ADK: variants seen among roughly 807,000 people sequenced by gnomAD.
ADK encodes N6,N6-dimethyladenosine kinase.
Under a neutral mutation model 44.7 loss-of-function variants are expected in ADK, and 24 were observed. The observed-to-expected ratio is 0.54, with a 90% CI of 0.39 to 0.76. ADK has a LOEUF of 0.76. Among genes scored for constraint, ADK ranks in the 30% least tolerant of loss-of-function variants. ADK has a pLI of 0.00. For missense variants in ADK, 321 were observed against 425.1 expected, an observed-to-expected ratio of 0.76 and a Z score of 2.15; for synonymous variants, 128 against 142.6, an observed-to-expected ratio of 0.90 and a Z score of 0.73.
chr10:74,693,760 A>G (rs981203691), intron 10 of ADK, among the ~76,000 whole-genome samples: 2 of 152,314 alleles, frequency 1.3e-5, no homozygotes, highest in Admixed American at 1.3e-4. Flanking sequence ...CCCTAAGCCT[A>G]AGAGTAAAAT....
chr10:74,401,433 T>C (rs1472386490), intron 6 of ADK, among the ~76,000 whole-genome samples: 1 of 152,172 alleles, frequency 6.6e-6, no homozygotes, highest in Admixed American at 6.5e-5. Flanking sequence ...CTGTATTGGG[T>C]GCATATATAT....
intron 9 of ADK, among the ~76,000 whole-genome samples, chr10:74,651,813 G>T (rs1302333748): frequency 6.6e-6 from 1 of 152,074 alleles, no homozygotes; most frequent in East Asian, 1.9e-4. Context: ...GTTAAAAGAG[G>T]TGGATGACTG....
At chr10:74,550,342 A>T (rs1246794969) in intron 7 of ADK, among the ~76,000 whole-genome samples, 1 of 152,070 alleles carries the variant, frequency 6.6e-6, no homozygotes, top group Non-Finnish European at 1.5e-5. Flanking sequence ...AAGTACTGGG[A>T]TTACAGGTAC....
intron 6 of ADK, among the ~76,000 whole-genome samples, chr10:74,442,654 T>G (rs1447324729): frequency 6.6e-6 from 1 of 151,828 alleles, no homozygotes; most frequent in Non-Finnish European, 1.5e-5. Flanking sequence ...TCTAAAGAAA[T>G]AAATAAATAA....
intron 7 of ADK, among the ~76,000 whole-genome samples, chr10:74,578,079 A>G (rs913239623): frequency 4.6e-5 from 7 of 151,150 alleles, no homozygotes; most frequent in African/African-American, 1.2e-4. Flanking sequence ...ACAACTTGGG[A>G]AGGGCCATGG....
intron 9 of ADK, among the ~76,000 whole-genome samples, chr10:74,603,538 T>G (rs1036138070): frequency 2.6e-5 from 4 of 152,178 alleles, no homozygotes; most frequent in African/African-American, 7.2e-5. Flanking sequence ...GTTAGTTTGC[T>G]GAGAATGATG....
intron 8 of ADK, among the ~76,000 whole-genome samples, chr10:74,595,408 C>CAG (rs1257675656): frequency 0.019 from 3 of 156 alleles, no homozygotes; most frequent in South Asian, 0.19. Flanking sequence ...GGGGGTTTGG[C>CAG]TTTGTCACGC....
At chr10:74,530,931 AAG>A (rs1401598218) in intron 7 of ADK, among the ~76,000 whole-genome samples, 3 of 152,158 alleles carry the variant, frequency 2.0e-5, no homozygotes, top group Non-Finnish European at 4.4e-5. Flanking sequence ...AAAAAGAAAA[AAG>A]AAGGGTATCT....
chr10:74,319,144 A>C (rs1045778728), intron 4 of ADK, among the ~76,000 whole-genome samples: 1 of 152,238 alleles, frequency 6.6e-6, no homozygotes, highest in Non-Finnish European at 1.5e-5. Context: ...ATATTGGTAA[A>C]ATGTTTAATC....
At chr10:74,516,209 C>A (rs1226269759) in intron 6 of ADK, among the ~76,000 whole-genome samples, 1 of 152,128 alleles carries the variant, frequency 6.6e-6, no homozygotes, top group Admixed American at 6.5e-5. Flanking sequence ...GGCAAAGAGG[C>A]TGGTAGGGAT....
intron 6 of ADK, among the ~76,000 whole-genome samples, chr10:74,429,458 G>A (rs1183432046): frequency 6.6e-6 from 1 of 152,148 alleles, no homozygotes; most frequent in East Asian, 1.9e-4. Context: ...AAGATGGTTA[G>A]AATTATTTGC....
intron 3 of ADK, among the ~76,000 whole-genome samples, chr10:74,303,613 T>TTTTTTTTTTTTA (rs1554840566): frequency 7.1e-6 from 1 of 140,670 alleles, no homozygotes; most frequent in Non-Finnish European, 1.5e-5. Context: ...TTTTTTTTTT[T>TTTTTTTTTTTTA]TGCTAGAAAG....
At chr10:74,663,250 TA>T (rs1854819550) in intron 9 of ADK, among the ~76,000 whole-genome samples, 2 of 119,732 alleles carry the variant, frequency 1.7e-5, no homozygotes, top group South Asian at 2.7e-4. Context: ...AAAAAAATAA[TA>T]TATATATATA....
chr10:74,432,141 C>A (rs1845022921), intron 6 of ADK, among the ~76,000 whole-genome samples: 1 of 151,754 alleles, frequency 6.6e-6, no homozygotes, highest in Non-Finnish European at 1.5e-5. Flanking sequence ...CTGCAGTGAT[C>A]CATGGTTGCA....
chr10:74,295,412 A>G (rs979251513), intron 3 of ADK, among the ~76,000 whole-genome samples: 4 of 151,940 alleles, frequency 2.6e-5, no homozygotes, highest in Admixed American at 2.0e-4. Flanking sequence ...CAGTGAGCCA[A>G]GATCACTTTA....
At chr10:74,163,227 A>G (rs1029334382) in intron 1 of ADK, among the ~76,000 whole-genome samples, 2 of 152,168 alleles carry the variant, frequency 1.3e-5, no homozygotes, top group Non-Finnish European at 2.9e-5. Flanking sequence ...CGGCCTCCCA[A>G]AGTGTTGGGA....
intron 7 of ADK, among the ~76,000 whole-genome samples, chr10:74,588,604 A>G (rs566619131): frequency 1.1e-4 from 16 of 152,352 alleles, no homozygotes; most frequent in African/African-American, 3.8e-4. Flanking sequence ...TGATGGTGTG[A>G]ACTTCACACT....
intron 1 of ADK, among the ~76,000 whole-genome samples, chr10:74,187,131 C>G (rs1452345766): frequency 6.6e-6 from 1 of 152,032 alleles, no homozygotes; most frequent in Non-Finnish European, 1.5e-5. Context: ...TAGGCATTCT[C>G]CTGAGTGTGT....
At chr10:74,423,130 G>A (rs1844627650) in intron 6 of ADK, among the ~76,000 whole-genome samples, 1 of 152,170 alleles carries the variant, frequency 6.6e-6, no homozygotes, top group African/African-American at 2.4e-5. Context: ...AGAAGCATGT[G>A]GCTGCTACCA....
Sources: gnomAD v4.1 joint callset for allele counts (sites outside exome capture counted in the v4.1 genomes callset) on GRCh38, gnomAD v4.1.1 for gene constraint, MANE v1.5 for transcripts, NCBI Gene and HGNC (gene_info 2026-07-23, HGNC 2026-07-21) for gene names.